The following TNS3 variants were observed in gnomAD, a reference collection of about 807,000 sequenced individuals.
The protein encoded by TNS3 is tensin-3.
In TNS3, 45 loss-of-function variants were observed where a neutral mutation model predicts 140.9. That is an observed-to-expected ratio of 0.32 (90% CI 0.25 to 0.41). The LOEUF (loss-of-function observed/expected upper bound fraction) is 0.41. Among genes scored for constraint, TNS3 ranks in the 10% least tolerant of loss-of-function variants. The pLI is 1.00. For missense variants in TNS3, 1,716 were observed against 1,906.7 expected, an observed-to-expected ratio of 0.90 and a Z score of 1.86; for synonymous variants, 815 against 788.4, an observed-to-expected ratio of 1.03 and a Z score of -0.56.
chr7:47,447,558 C>T (rs910844555), intron 4 of TNS3, among the ~76,000 whole-genome samples: 4 of 152,126 alleles, frequency 2.6e-5, no homozygotes, highest in Non-Finnish European at 2.9e-5. Context: ...GCTCATGTCC[C>T]GACCTCACCT....
intron 1 of TNS3, among the ~76,000 whole-genome samples, chr7:47,578,032 G>A (rs930568826): frequency 1.3e-5 from 2 of 151,524 alleles, no homozygotes; most frequent in African/African-American, 2.4e-5. Context: ...AAAAAAAATC[G>A]GCCGGGCACA....
At chr7:47,416,698 G>C (rs532244985) in intron 10 of TNS3, among the ~76,000 whole-genome samples, 75 of 152,188 alleles carry the variant, frequency 4.9e-4, no homozygotes, top group African/African-American at 1.7e-3. Context: ...TCTCCTGCAG[G>C]GTACTTTCTA....
At chr7:47,524,831 A>AAAAAAAAAAAC (rs1799131916) in intron 2 of TNS3, among the ~76,000 whole-genome samples, 1 of 148,362 alleles carries the variant, frequency 6.7e-6, no homozygotes, top group African/African-American at 2.5e-5. Context: ...AAAAAAAAAA[A>AAAAAAAAAAAC]AAAAAGGCAA....
intron 3 of TNS3, among the ~76,000 whole-genome samples, chr7:47,492,765 T>G (rs910504628): frequency 1.3e-5 from 2 of 152,226 alleles, no homozygotes; most frequent in East Asian, 3.9e-4. Context: ...AAATGAGGGG[T>G]GGGCCCCACA....
chr7:47,306,270 A>C (rs775527894), intron 20 of TNS3, among the ~76,000 whole-genome samples: 24 of 152,186 alleles, frequency 1.6e-4, no homozygotes, highest in Non-Finnish European at 2.8e-4. Flanking sequence ...ATTATATCCA[A>C]AAAAAGCAAG....
chr7:47,517,421 G>A (rs1054935836), intron 2 of TNS3, among the ~76,000 whole-genome samples: 6 of 152,102 alleles, frequency 3.9e-5, no homozygotes, highest in South Asian at 2.1e-4. Context: ...AAGTCTCGTC[G>A]GGAAAGGGAA....
intron 17 of TNS3, among the ~76,000 whole-genome samples, chr7:47,361,206 C>CAAAAAAAAAAAAAAAAAAAAAA (rs56823708): frequency 0.028 from 1,294 of 47,010 alleles, 358 homozygotes; most frequent in Non-Finnish European, 0.045. Flanking sequence ...GTAACCATGC[C>CAAAAAAAAAAAAAAAAAAAAAA]AAAAAAAAAA....
At chr7:47,308,855 T>C (rs576109378) in intron 20 of TNS3, among the ~76,000 whole-genome samples, 8 of 152,332 alleles carry the variant, frequency 5.3e-5, no homozygotes, top group Admixed American at 3.9e-4. Context: ...GTTCTTTCCC[T>C]GGCCTTCAAT....
rs566441390 is a variant in TNS3 at position 47,486,273 on chromosome 7, T to G, written c.-114-5132A>C. ...GAGCGTGTGTGCTTGTGAGAATGTA[T>G]GAACGTGCATGTGTGAAACTGAGTT... On this transcript the variant is annotated intron_variant, in intron 3 of 30. Transcript: ENST00000311160. Among the ~76,000 whole-genome samples the G allele has an allele frequency of 1.4e-4, 22 of 152,170 alleles. No homozygotes were observed. The South Asian group carries it at 4.6e-3, about 32-fold the overall frequency.
chr7:47,570,238 G>A (rs920559018), intron 1 of TNS3, among the ~76,000 whole-genome samples: 4 of 152,226 alleles, frequency 2.6e-5, no homozygotes, highest in South Asian at 2.1e-4. Context: ...TCCATTTTCC[G>A]AGGAAGAAAA....
intron 1 of TNS3, among the ~76,000 whole-genome samples, chr7:47,541,813 G>A (rs2151966330): frequency 6.6e-6 from 1 of 152,130 alleles, no homozygotes; most frequent in Middle Eastern, 3.4e-3. Flanking sequence ...GCTGGGCATG[G>A]TGGCAGGCAC....
Position 47,293,785 on chromosome 7 carries a change from C to T in TNS3, c.3720G>A (p.Glu1240=), listed in dbSNP as rs1562766484. Residue 1240 remains glutamate (E), a synonymous_variant, in exon 25 of 31, where the codon GAG becomes GAA. Transcript: ENST00000311160. ...ANELVRHFLI[E]CTPKGVRLKG... is the part of the protein sequence containing the mutation. ...TCAACCGCACTCCCTTCGGGGTACA[C>T]TCGATCAAAAAGTGCCGGACGAGTT... 3 of 1,614,176 alleles carry T rather than the reference C, an allele frequency of 1.9e-6. No individual in the cohort carries two copies. In the African/African-American group the frequency reaches 4.0e-5, roughly 22 times the overall value.
chr7:47,415,525 A>G (rs902005651), intron 10 of TNS3, among the ~76,000 whole-genome samples: 2 of 152,136 alleles, frequency 1.3e-5, no homozygotes, highest in African/African-American at 4.8e-5. Context: ...GGCCATCACA[A>G]TCCCCACTGG....
Position 47,529,023 on chromosome 7 carries a change from A to C in TNS3, c.-153+13T>G. The C allele has an allele frequency of 7.9e-7, 1 of 1,266,262 alleles. No individual in the cohort carries two copies. Among genetic ancestry groups the C allele is most frequent in the Non-Finnish European group, 1.0e-6 (1 of 975,510 alleles). The allele number at this position is 1,266,262 out of a possible 1,614,324, so 78.4% of individuals were successfully genotyped here. A position where few individuals can be genotyped will look rare whatever the true frequency, so the allele number is the denominator to read the frequency against. On this transcript the variant is annotated intron_variant, in intron 2 of 30. Transcript: ENST00000311160. ...TGGATTAATCAGTGAGAGAATCATA[A>C]ACACAGACTTACCTCGGCATGAAAT...
chr7:47,476,881 T>C (rs1797214401), intron 4 of TNS3, among the ~76,000 whole-genome samples: 1 of 152,222 alleles, frequency 6.6e-6, no homozygotes, highest in Admixed American at 6.5e-5. Flanking sequence ...TATGTGCCGA[T>C]TTTGAGTCCA....
At chr7:47,528,860 A>C (rs1471411587) in intron 2 of TNS3, among the ~76,000 whole-genome samples, 176 bp downstream of exon 2, 1 of 152,174 alleles carries the variant, frequency 6.6e-6, no homozygotes, top group African/African-American at 2.4e-5. Flanking sequence ...GCACTTATCT[A>C]TGTAAATACG....
chr7:47,495,889 G>A (rs1007196256), intron 3 of TNS3, among the ~76,000 whole-genome samples: 2 of 152,188 alleles, frequency 1.3e-5, no homozygotes, highest in Non-Finnish European at 2.9e-5. Flanking sequence ...CAGAGGGAAG[G>A]GGTAAGGACA....
At chr7:47,541,948 C>CAAAAAAAAAA (rs11314197) in intron 1 of TNS3, among the ~76,000 whole-genome samples, 3,455 of 130,382 alleles carry the variant, frequency 0.026, 164 homozygotes, top group African/African-American at 0.095. Flanking sequence ...GACTCCATCT[C>CAAAAAAAAAA]AAAAAAAAAA....
chr7:47,439,604 G>A lies in TNS3; in HGVS notation c.33C>T (p.Tyr11=), dbSNP rs776721983. 3 of 1,614,112 alleles carry A rather than the reference G, an allele frequency of 1.9e-6. No homozygotes were observed. Among genetic ancestry groups the A allele is most frequent in the Non-Finnish European group, 8.5e-7 (1 of 1,179,990 alleles). The change falls in exon 6 of 31, where the codon TAC becomes TAT. Residue 11 remains tyrosine, a synonymous_variant. Transcript: ENST00000311160. ...ACACAGCGATGATGCGCTCCGTGAT[G>A]TAAGTGAGGTCCAGCCCATGGCCCT... MEEGHGLDLT[Y]ITERIIAVSF...
Sources: allele counts gnomAD v4.1 joint callset (sites outside exome capture counted in the v4.1 genomes callset), GRCh38; gene constraint gnomAD v4.1.1; transcripts MANE v1.5; gene names NCBI Gene and HGNC (gene_info 2026-07-23, HGNC 2026-07-21).